The following SLC9A4 variants were observed in gnomAD, a reference collection of about 807,000 sequenced individuals.
The protein encoded by SLC9A4 is solute carrier family 9 member A4.
Under a neutral mutation model 67.4 loss-of-function variants are expected in SLC9A4, and 63 were observed. The observed-to-expected ratio is 0.93, with a 90% CI of 0.76 to 1.15. The LOEUF (loss-of-function observed/expected upper bound fraction) is 1.15. Among genes scored for constraint, SLC9A4 ranks in the 50% most tolerant of loss-of-function variants. The pLI is 0.00. For synonymous variants in SLC9A4, 393 were observed against 367.2 expected, an observed-to-expected ratio of 1.07 and a Z score of -0.80; for missense variants, 1,089 against 987.7, an observed-to-expected ratio of 1.10 and a Z score of -1.38.
chr2:102,496,275 C>A (rs781082225), intron 2 of SLC9A4, among the ~76,000 whole-genome samples: 16 of 152,056 alleles, frequency 1.1e-4, no homozygotes, highest in Non-Finnish European at 2.4e-4. Flanking sequence ...TGAAAATATG[C>A]GCAACATAGT....
At chr2:102,512,119 G>A in intron 6 of SLC9A4, 84 bp from the exon 7 acceptor site, 5 of 1,461,616 alleles carry the variant, frequency 3.4e-6, no homozygotes, top group Non-Finnish European at 3.8e-6. Flanking sequence ...AGGCTCCTTT[G>A]TTTTTTAAAG....
At chr2:102,503,821 G>A (rs1684994727) in intron 3 of SLC9A4, 114 bp downstream of exon 3, 10 of 1,396,314 alleles carry the variant, frequency 7.2e-6, no homozygotes, top group Admixed American at 2.3e-5. Context: ...CCTCCAACAT[G>A]TTGCAGATTT....
chr2:102,495,305 AGT>A (rs1200318065), intron 2 of SLC9A4, among the ~76,000 whole-genome samples: 6 of 152,138 alleles, frequency 3.9e-5, no homozygotes. Context: ...AATACTTCGA[AGT>A]GAATTTAACA....
chr2:102,481,218 G>C (rs1481939018), intron 2 of SLC9A4, among the ~76,000 whole-genome samples: 1 of 152,080 alleles, frequency 6.6e-6, no homozygotes, highest in Non-Finnish European at 1.5e-5. Flanking sequence ...TCAGGCCCTG[G>C]AACACAGTCG....
intron 8 of SLC9A4, 129 bp from the exon 9 acceptor site, chr2:102,519,730 G>A (rs1229230597): frequency 6.7e-6 from 5 of 745,682 alleles, no homozygotes; most frequent in Non-Finnish European, 1.0e-5. Context: ...AGAACAATAG[G>A]AAAAATTATA....
Position 102,478,900 on chromosome 2 carries a change from G to C in SLC9A4, c.318G>C (p.Val106=), listed in dbSNP as rs146079308. 1 of 1,614,118 alleles carries C rather than the reference G, an allele frequency of 6.2e-7. No individual in the cohort carries two copies. The highest frequency in any genetic ancestry group is 8.5e-7 in the Non-Finnish European group (1 of 1,180,044). The change falls in exon 2 of 12, where the codon GTG becomes GTC. Residue 106 remains valine (V), a synonymous_variant. Transcript: ENST00000295269. ...CAGAAAGCTGCCTCCTCATCCTGGT[G>C]GGGGCGCTGGTGGGCGGCATCATCT... ...LMPESCLLIL[V]GALVGGIIFG... is the part of the protein sequence containing the mutation.
intron 1 of SLC9A4, among the ~76,000 whole-genome samples, chr2:102,475,785 T>C (rs764368694): frequency 6.6e-6 from 1 of 152,212 alleles, no homozygotes; most frequent in Non-Finnish European, 1.5e-5. Context: ...ATATATACTA[T>C]GTGCCAATTA....
chr2:102,511,316 A>C (rs1685158850), intron 6 of SLC9A4, among the ~76,000 whole-genome samples: 2 of 152,216 alleles, frequency 1.3e-5, no homozygotes, highest in African/African-American at 4.8e-5. Flanking sequence ...GTTTTAAAAC[A>C]TGTAACAACT....
intron 2 of SLC9A4, among the ~76,000 whole-genome samples, chr2:102,484,028 A>G (rs778236791): frequency 8.6e-5 from 13 of 151,728 alleles, no homozygotes; most frequent in Non-Finnish European, 1.3e-4. Context: ...TCCCTAGTTA[A>G]ATCTCATGGC....
chr2:102,498,100 T>C (rs542266421), intron 2 of SLC9A4, among the ~76,000 whole-genome samples: 4 of 152,350 alleles, frequency 2.6e-5, no homozygotes, highest in African/African-American at 7.2e-5. Context: ...GCTGTGGACA[T>C]GTTTGAGATT....
chr2:102,499,953 G>A (rs1684889210), intron 2 of SLC9A4, among the ~76,000 whole-genome samples: 2 of 152,200 alleles, frequency 1.3e-5, no homozygotes, highest in African/African-American at 4.8e-5. Context: ...CTTCTAGTCT[G>A]TAACACAAGT....
intron 2 of SLC9A4, among the ~76,000 whole-genome samples, chr2:102,487,229 C>G (rs1464295329): frequency 2.7e-5 from 4 of 146,450 alleles, no homozygotes; most frequent in Non-Finnish European, 5.9e-5. Flanking sequence ...GAGAAGTAAA[C>G]CAAGAGAGAG....
intron 2 of SLC9A4, among the ~76,000 whole-genome samples, chr2:102,481,387 T>A (rs1411953150): frequency 6.6e-6 from 1 of 152,226 alleles, no homozygotes; most frequent in Non-Finnish European, 1.5e-5. Flanking sequence ...ATTATAATAG[T>A]AAGCAACTTT....
At chr2:102,514,924 C>T (rs1171632745) in intron 8 of SLC9A4, among the ~76,000 whole-genome samples, 1 of 152,066 alleles carries the variant, frequency 6.6e-6, no homozygotes, top group South Asian at 2.1e-4. Flanking sequence ...CATTACAAGA[C>T]GATTTTCTAT....
intron 2 of SLC9A4, among the ~76,000 whole-genome samples, chr2:102,483,082 A>G (rs555175953): frequency 2.0e-5 from 3 of 152,292 alleles, no homozygotes; most frequent in East Asian, 3.9e-4. Context: ...ATTTATAAGA[A>G]TGATCATTTC....
chr2:102,508,518 G>GTC (rs1434751937), intron 5 of SLC9A4, among the ~76,000 whole-genome samples: 1 of 152,146 alleles, frequency 6.6e-6, no homozygotes, highest in African/African-American at 2.4e-5. Context: ...GTGACTAATA[G>GTC]TCACTCCATA....
chr2:102,489,549 A>G (rs1316973872), intron 2 of SLC9A4, among the ~76,000 whole-genome samples: 2 of 152,186 alleles, frequency 1.3e-5, no homozygotes, highest in African/African-American at 4.8e-5. Context: ...GAATTCCTTA[A>G]AGAAATGTCA....
chr2:102,531,381 T>C (rs551465623), intron 11 of SLC9A4, among the ~76,000 whole-genome samples: 5 of 152,278 alleles, frequency 3.3e-5, no homozygotes, highest in African/African-American at 9.6e-5. Context: ...CAAGACAATG[T>C]CCCAGGCATC....
intron 2 of SLC9A4, among the ~76,000 whole-genome samples, chr2:102,483,097 T>TA (rs950596751): frequency 2.6e-4 from 39 of 152,332 alleles, no homozygotes; most frequent in African/African-American, 8.9e-4. Flanking sequence ...CATTTCAGGA[T>TA]AAAATCATAA....
Sources: gnomAD v4.1 joint callset for allele counts (sites outside exome capture counted in the v4.1 genomes callset) on GRCh38, gnomAD v4.1.1 for gene constraint, MANE v1.5 for transcripts, NCBI Gene and HGNC (gene_info 2026-07-23, HGNC 2026-07-21) for gene names.